The following ELSPBP1 variants were observed in gnomAD, a reference collection of about 807,000 sequenced individuals.
The protein encoded by ELSPBP1 is epididymal sperm binding protein 1, also known as epididymal sperm-binding protein 1.
In ELSPBP1, 38 loss-of-function variants were observed where a neutral mutation model predicts 33.3. The observed-to-expected ratio is 1.14, with a 90% confidence interval of 0.88 to 1.50. ELSPBP1 has a LOEUF of 1.50. Among genes scored for constraint, ELSPBP1 ranks in the 40% most tolerant of loss-of-function variants. ELSPBP1 has a pLI of 0.00. For synonymous variants in ELSPBP1, 85 were observed against 94.1 expected (o/e 0.90, Z 0.56); for missense variants, 267 against 263.5 (o/e 1.01, Z -0.09).
chr19:48,008,814 C>A, intron 2 of ELSPBP1, 77 bp downstream of exon 2: 2 of 1,331,486 alleles, frequency 1.5e-6, no homozygotes, highest in Non-Finnish European at 2.1e-6. Context: ...ATTCCTGGAA[C>A]TAAGTAGGCA....
At chr19:48,005,693 C>T (rs1287843357) in intron 1 of ELSPBP1, among the ~76,000 whole-genome samples, 1 of 152,152 alleles carries the variant, frequency 6.6e-6, no homozygotes. Flanking sequence ...GAGTTCTTAG[C>T]ACATGTCCGG....
intron 4 of ELSPBP1, among the ~76,000 whole-genome samples, chr19:48,016,430 T>A (rs904025831): frequency 1.3e-5 from 2 of 149,530 alleles, no homozygotes; most frequent in Non-Finnish European, 3.0e-5. Flanking sequence ...CTCCCTCCCT[T>A]CCTCCCTCCC....
intron 3 of ELSPBP1, among the ~76,000 whole-genome samples, chr19:48,015,029 G>A (rs1187830067): frequency 6.6e-6 from 1 of 152,104 alleles, no homozygotes; most frequent in East Asian, 1.9e-4. Context: ...ACTACTAATA[G>A]CCTGCTATTG....
intron 2 of ELSPBP1, among the ~76,000 whole-genome samples, chr19:48,013,442 C>A (rs1967097756): frequency 6.6e-6 from 1 of 152,182 alleles, no homozygotes; most frequent in Non-Finnish European, 1.5e-5. Context: ...ACAGGCCAGG[C>A]ATGGTGGCTT....
chr19:47,999,511 A>G (rs1966946652), intron 1 of ELSPBP1, among the ~76,000 whole-genome samples: 2 of 149,234 alleles, frequency 1.3e-5, no homozygotes, highest in African/African-American at 5.0e-5. Flanking sequence ...GCCTTAGCCT[A>G]TGGAATAGTT....
At chr19:48,005,880 C>T (rs1462391526) in intron 1 of ELSPBP1, among the ~76,000 whole-genome samples, 2 of 152,138 alleles carry the variant, frequency 1.3e-5, no homozygotes, top group African/African-American at 4.8e-5. Flanking sequence ...GTAATGGTAC[C>T]TACCACGTTG....
intron 5 of ELSPBP1, 102 bp from the exon 6 acceptor site, chr19:48,022,068 C>T: frequency 2.7e-6 from 3 of 1,130,294 alleles, no homozygotes; most frequent in Non-Finnish European, 2.5e-6. Flanking sequence ...AACCACCACA[C>T]TCAGCCCCAA....
Position 48,011,283 on chromosome 19 carries a change from TCAC to T in ELSPBP1, c.70+2549_70+2551del, listed in dbSNP as rs1457917665. 1.3e-5 allele frequency among the ~76,000 whole-genome samples: 2 copies of T among 151,362 alleles called. No individual in the cohort carries two copies. Among genetic ancestry groups the T allele is most frequent in the Non-Finnish European group, 2.9e-5 (2 of 67,910 alleles). ...ATGATGATGACAATGACGATGATGA[TCAC>T]CATGATAATGACAATAATGAGGTTG... is the stretch of plus-strand genomic sequence containing the variant. On this transcript the variant is annotated intron_variant, in intron 2 of 6. Coordinates refer to ENST00000339841, the MANE Select transcript of ELSPBP1 (RefSeq NM_022142.5). This position sits in a 1 kb window ranked among gnomAD's most constrained non-coding sequence, Gnocchi z 4.5.
chr19:48,002,047 T>C (rs950155962), intron 1 of ELSPBP1, among the ~76,000 whole-genome samples: 10 of 152,040 alleles, frequency 6.6e-5, no homozygotes, highest in Non-Finnish European at 1.5e-4. Context: ...ACTCTAGGAA[T>C]TAGGACGTGG....
At chr19:48,007,501 G>T (rs921460002) in intron 1 of ELSPBP1, among the ~76,000 whole-genome samples, 2 of 152,200 alleles carry the variant, frequency 1.3e-5, no homozygotes, top group Non-Finnish European at 2.9e-5. Context: ...AGCCGTAGAA[G>T]TGGTGATAGT....
intron 1 of ELSPBP1, among the ~76,000 whole-genome samples, chr19:48,002,190 C>T (rs752910883): frequency 2.6e-5 from 4 of 152,172 alleles, no homozygotes; most frequent in Non-Finnish European, 4.4e-5. Context: ...AAACTCAGTA[C>T]TTTGTTGGGG....
At position 48,020,221 on chromosome 19, in the gene ELSPBP1, A is replaced by G. The variant is rs140406656; in HGVS notation, c.514+344A>G. 1.6e-4 allele frequency among the ~76,000 whole-genome samples: 25 copies of G among 152,124 alleles called. 1 individual carries two copies. Among genetic ancestry groups the G allele is most frequent in the African/African-American group, 5.5e-4 (23 of 41,528 alleles). On this transcript the variant is annotated intron_variant, in intron 5 of 6. Transcript: ENST00000339841. ...AATCCCAGAACTTTGGGAGGCTGAG[A>G]TGGGAGGATCACTTGAGCCTGGGAG...
chr19:48,019,846 G>A lies in ELSPBP1; in HGVS notation c.483G>A (p.Lys161=), dbSNP rs200809318. 1.5e-3 allele frequency: 2,363 copies of A among 1,613,894 alleles called. 56 individuals are homozygous for A. The South Asian group carries it at 0.024, about 16-fold the overall frequency. ...GCCCAACCACAGAGAACATGGATAA[G>A]GATGGAAAGTGGAGTTTCTGTGCCG... ...LWCPTTENMD[K]DGKWSFCADT... The change falls in exon 5 of 7, where the codon AAG becomes AAA. Residue 161 remains lysine (K), a synonymous_variant. Transcript: ENST00000339841.
intron 1 of ELSPBP1, among the ~76,000 whole-genome samples, chr19:48,003,969 A>T (rs1476652618): frequency 6.9e-6 from 1 of 144,214 alleles, no homozygotes; most frequent in African/African-American, 2.6e-5. Flanking sequence ...CTTTTGAGAC[A>T]GTCTTCCTCT....
intron 1 of ELSPBP1, 139 bp from the exon 2 acceptor site, chr19:48,008,510 AGG>A: frequency 1.6e-6 from 1 of 612,246 alleles, no homozygotes; most frequent in Non-Finnish European, 2.9e-6. Context: ...CTGGGATTAC[AGG>A]TGTGAGCTAC....
chr19:48,016,489 TTTC>T lies in ELSPBP1; in HGVS notation c.355+453_355+455del, dbSNP rs1335445927. On this transcript the variant is annotated intron_variant, in intron 4 of 6. Transcript: ENST00000339841. ...CCTTCTTTCTTTCTTTCTTTCTTTC[TTTC>T]TTTCTTTCTTTCTTTCTTTCTTTCT... Among the ~76,000 whole-genome samples the T allele has an allele frequency of 3.2e-3, 300 of 95,170 alleles. 4 individuals are homozygous for T. Among genetic ancestry groups the T allele is most frequent in the African/African-American group, 0.011 (268 of 23,458 alleles). 62.4% of individuals were successfully genotyped at this position (95,170 alleles called of 152,430 possible).
At chr19:48,018,054 C>T (rs1039074487) in intron 4 of ELSPBP1, among the ~76,000 whole-genome samples, 7 of 152,066 alleles carry the variant, frequency 4.6e-5, no homozygotes, top group African/African-American at 1.4e-4. Context: ...AATCACCAAA[C>T]GGATGTCCAA....
chr19:48,016,554 TCCTTCCTTCCTTCCTC>T (rs376918755), intron 4 of ELSPBP1, among the ~76,000 whole-genome samples: 6,085 of 116,282 alleles, frequency 0.052, 259 homozygotes, highest in African/African-American at 0.1. Flanking sequence ...CTTCCTTCCT[TCCTTCCTTCCTTCCTC>T]CCTTCATCTC....
intron 3 of ELSPBP1, among the ~76,000 whole-genome samples, 192 bp from the exon 4 acceptor site, chr19:48,015,701 C>A (rs564242225): frequency 1.3e-5 from 2 of 152,054 alleles, no homozygotes; most frequent in African/African-American, 4.8e-5. Flanking sequence ...TATAAGTGGA[C>A]CCGAGTTCAA....
Sources: allele counts gnomAD v4.1 joint callset (sites outside exome capture counted in the v4.1 genomes callset), GRCh38; gene constraint gnomAD v4.1.1; non-coding constraint Gnocchi (gnomAD v3.1); transcripts MANE v1.5; gene names NCBI Gene and HGNC (gene_info 2026-07-23, HGNC 2026-07-21).